GRIA4: variants seen among roughly 807,000 people sequenced by gnomAD.
The protein encoded by GRIA4 is glutamate receptor 4.
A neutral mutation model predicts 104.0 loss-of-function variants in GRIA4; 34 were observed. That is an observed-to-expected ratio of 0.33 (90% CI 0.25 to 0.44). The LOEUF (loss-of-function observed/expected upper bound fraction) is 0.44, where lower values mean the gene tolerates loss of function less well. Among genes scored for constraint, GRIA4 ranks in the 20% least tolerant of loss-of-function variants. The pLI is 1.00. For synonymous variants in GRIA4, 386 were observed against 381.9 expected (o/e 1.01, Z -0.13); for missense variants, 750 against 1,096.5 (o/e 0.68, Z 4.46).
At chr11:105,854,856 G>C (rs1447992592) in intron 4 of GRIA4, among the ~76,000 whole-genome samples, 2 of 152,130 alleles carry the variant, frequency 1.3e-5, no homozygotes, top group Non-Finnish European at 2.9e-5. Context: ...TGGAAGACTT[G>C]AGTTCATTCA....
chr11:105,924,441 C>T lies in GRIA4; in HGVS notation c.1519C>T (p.Arg507Ter), dbSNP rs765327242. 6.2e-7 allele frequency: 1 copy of T among 1,607,328 alleles called. No individual in the cohort carries two copies. Among genetic ancestry groups the T allele is most frequent in the Non-Finnish European group, 8.5e-7 (1 of 1,174,894 alleles). Reference sequence around the variant, plus strand: ...TGCCCCTCTGACAATCACTTTGGTACGAGAGGAGGTCATTGACTTTTCTAA... The same window carrying T: ...TGCCCCTCTGACAATCACTTTGGTATGAGAGGAGGTCATTGACTTTTCTAA... ...AIAPLTITLV[R>*]EEVIDFSKPF... Residue 507 changes from arginine to a stop codon, truncating the protein, a stop_gained, in exon 12 of 17, where the codon CGA (arginine) becomes TGA (stop). Transcript: ENST00000282499. LOFTEE classifies it high-confidence loss of function.
At chr11:105,961,523 G>T (rs1382110147) in intron 14 of GRIA4, among the ~76,000 whole-genome samples, 1 of 152,194 alleles carries the variant, frequency 6.6e-6, no homozygotes, top group Non-Finnish European at 1.5e-5. Context: ...TATGAAGAGA[G>T]CACTCCAGTG....
chr11:105,688,845 G>A (rs1211989644), intron 3 of GRIA4, among the ~76,000 whole-genome samples: 2 of 152,130 alleles, frequency 1.3e-5, no homozygotes, highest in East Asian at 3.9e-4. Flanking sequence ...TCATTAGGTA[G>A]ATGGTGGTGC....
At chr11:105,616,328 T>C (rs547072312) in intron 3 of GRIA4, among the ~76,000 whole-genome samples, 14 of 151,834 alleles carry the variant, frequency 9.2e-5, no homozygotes, top group African/African-American at 2.6e-4. Context: ...GTTTCTTTTT[T>C]AAGTTAAATA....
At chr11:105,714,268 A>AAT (rs538493596) in intron 3 of GRIA4, among the ~76,000 whole-genome samples, 2 of 150,950 alleles carry the variant, frequency 1.3e-5, no homozygotes, top group African/African-American at 4.9e-5. Context: ...AAAAAAAATC[A>AAT]ATATATATAA....
chr11:105,840,805 T>C (rs1175084900), intron 4 of GRIA4, among the ~76,000 whole-genome samples: 1 of 152,226 alleles, frequency 6.6e-6, no homozygotes, highest in African/African-American at 2.4e-5. Context: ...AAGTGGAATC[T>C]GAACTGCTTC....
chr11:105,641,031 C>T (rs1469762159), intron 3 of GRIA4, among the ~76,000 whole-genome samples: 1 of 152,024 alleles, frequency 6.6e-6, no homozygotes, highest in African/African-American at 2.4e-5. Flanking sequence ...TGTTTACAAT[C>T]ATGGAACATT....
chr11:105,952,132 C>T (rs1196051031), intron 14 of GRIA4, among the ~76,000 whole-genome samples: 1 of 152,072 alleles, frequency 6.6e-6, no homozygotes, highest in East Asian at 1.9e-4. Flanking sequence ...TTTTATTTCG[C>T]TTACCTTTAA....
intron 3 of GRIA4, among the ~76,000 whole-genome samples, chr11:105,626,486 A>G (rs1950890025): frequency 6.6e-6 from 1 of 152,186 alleles, no homozygotes; most frequent in South Asian, 2.1e-4. Flanking sequence ...TAAGTCACTC[A>G]AGATATCTGG....
At chr11:105,667,765 A>T (rs996594934) in intron 3 of GRIA4, among the ~76,000 whole-genome samples, 1 of 152,056 alleles carries the variant, frequency 6.6e-6, no homozygotes, top group African/African-American at 2.4e-5. Context: ...ACATTGTGAA[A>T]TGATCATGGC....
intron 4 of GRIA4, among the ~76,000 whole-genome samples, chr11:105,811,100 CCCCTT>C (rs1943154372): frequency 6.6e-6 from 1 of 152,178 alleles, no homozygotes; most frequent in East Asian, 1.9e-4. Flanking sequence ...CAGCACAATT[CCCCTT>C]CCCTCAGTTA....
chr11:105,895,929 G>A (rs998468028), intron 6 of GRIA4, among the ~76,000 whole-genome samples: 13 of 151,934 alleles, frequency 8.6e-5, no homozygotes, highest in Middle Eastern at 3.2e-3. Flanking sequence ...CTTCCCTTTG[G>A]GTATATACCC....
intron 3 of GRIA4, among the ~76,000 whole-genome samples, chr11:105,704,463 G>A (rs999869971): frequency 1.3e-5 from 2 of 151,530 alleles, no homozygotes; most frequent in African/African-American, 4.8e-5. Flanking sequence ...AAAAGAGAAT[G>A]GTCAGAGAAA....
intron 13 of GRIA4, among the ~76,000 whole-genome samples, chr11:105,930,916 C>G (rs1947855233): frequency 6.6e-6 from 1 of 151,968 alleles, no homozygotes; most frequent in African/African-American, 2.4e-5. Flanking sequence ...GTGAAACTCT[C>G]AAGTCAAGAT....
chr11:105,842,056 T>C (rs887721126), intron 4 of GRIA4, among the ~76,000 whole-genome samples: 1 of 152,154 alleles, frequency 6.6e-6, no homozygotes, highest in South Asian at 2.1e-4. Flanking sequence ...AGTTACCATC[T>C]GAGTGCAACA....
rs931821986 is a variant in GRIA4, at chr11:105,711,969, T to C, written c.248-41012T>C. 1.7e-4 allele frequency among the ~76,000 whole-genome samples: 26 copies of C among 152,162 alleles called. 1 individual carries two copies. Among genetic ancestry groups the C allele is most frequent in the African/African-American group, 4.6e-4 (19 of 41,458 alleles). ...AATGTAAAATATTGTTGAAAATAATTGGCAGGAAATAAATGTCTAAATATC... is the reference window on the plus strand; with the variant it reads ...AATGTAAAATATTGTTGAAAATAATCGGCAGGAAATAAATGTCTAAATATC... On this transcript the variant is annotated intron_variant, in intron 3 of 16. Coordinates refer to ENST00000282499, the MANE Select transcript of GRIA4 (RefSeq NM_000829.4).
chr11:105,938,532 T>A (rs1468445390), intron 14 of GRIA4, among the ~76,000 whole-genome samples: 1 of 152,188 alleles, frequency 6.6e-6, no homozygotes, highest in African/African-American at 2.4e-5. Flanking sequence ...TTAACTATTA[T>A]GAAAAGAGAT....
chr11:105,699,975 T>C (rs981752062), intron 3 of GRIA4, among the ~76,000 whole-genome samples: 1 of 152,216 alleles, frequency 6.6e-6, no homozygotes, highest in Non-Finnish European at 1.5e-5. Flanking sequence ...ACTGTTGTAT[T>C]CTCAGCACCT....
intron 3 of GRIA4, among the ~76,000 whole-genome samples, chr11:105,732,616 T>A (rs1044451587): frequency 6.6e-6 from 1 of 152,184 alleles, no homozygotes; most frequent in Non-Finnish European, 1.5e-5. Flanking sequence ...GTCACTCCAG[T>A]GCCTTCTATT....
Sources: allele counts gnomAD v4.1 joint callset (sites outside exome capture counted in the v4.1 genomes callset), GRCh38; gene constraint gnomAD v4.1.1; transcripts MANE v1.5; gene names NCBI Gene and HGNC (gene_info 2026-07-23, HGNC 2026-07-21).